Variants in MCF2L2 observed in about 807,000 individuals in gnomAD.
MCF2L2 encodes MCF.2 cell line derived transforming sequence-like 2, also known as probable guanine nucleotide exchange factor MCF2L2.
In MCF2L2, 102 loss-of-function variants were observed where a neutral mutation model predicts 150.2. The ratio of observed to expected loss-of-function variants is 0.68; its 90% CI spans 0.58 to 0.80. The LOEUF (loss-of-function observed/expected upper bound fraction) is 0.80. Among genes scored for constraint, MCF2L2 ranks in the 30% least tolerant of loss-of-function variants. MCF2L2 has a pLI of 0.00. For missense variants in MCF2L2, 1,256 were observed against 1,372.8 expected (o/e 0.91, Z 1.34); for synonymous variants, 465 against 491.3 (o/e 0.95, Z 0.71).
chr3:183,394,857 C>G (rs985625908), intron 1 of MCF2L2, among the ~76,000 whole-genome samples: 1 of 152,204 alleles, frequency 6.6e-6, no homozygotes, highest in Non-Finnish European at 1.5e-5. Context: ...ATCAGTACTT[C>G]TGCAGAACCT....
chr3:183,269,230 C>CTTTTTTTGTTTTTT (rs1726470167), intron 15 of MCF2L2, among the ~76,000 whole-genome samples: 1 of 81,030 alleles, frequency 1.2e-5, no homozygotes, highest in African/African-American at 6.4e-5. Context: ...GTTTGGGAAG[C>CTTTTTTTGTTTTTT]TTTTTTTTTT....
At chr3:183,286,733 G>T (rs754936226) in intron 14 of MCF2L2, among the ~76,000 whole-genome samples, 8 of 152,144 alleles carry the variant, frequency 5.3e-5, no homozygotes, top group Non-Finnish European at 1.0e-4. Flanking sequence ...TGACTTTATG[G>T]ATTCTGCTTA....
At chr3:183,400,243 AG>A (rs1714669893) in intron 1 of MCF2L2, 2 of 331,580 alleles carry the variant, frequency 6.0e-6, no homozygotes, top group Admixed American at 8.8e-5. Flanking sequence ...GGTACTGCAA[AG>A]TAAGATTTTT....
chr3:183,376,638 G>A (rs1179605390), intron 3 of MCF2L2: 1 of 152,210 alleles, frequency 6.6e-6, no homozygotes, highest in East Asian at 1.9e-4. Context: ...GGTCCTGGCT[G>A]GGTCCAAGAG....
At chr3:183,366,742 C>G (rs1472257143) in intron 3 of MCF2L2, among the ~76,000 whole-genome samples, 2 of 152,114 alleles carry the variant, frequency 1.3e-5, no homozygotes, top group African/African-American at 4.8e-5. Flanking sequence ...GGGACTTTCC[C>G]AGAGACTCAG....
At chr3:183,323,034 G>A (rs917972575) in intron 6 of MCF2L2, among the ~76,000 whole-genome samples, 5 of 152,136 alleles carry the variant, frequency 3.3e-5, no homozygotes, top group Non-Finnish European at 5.9e-5. Flanking sequence ...GAGATGCAGT[G>A]GGGTAAGGTG....
chr3:183,410,222 T>C (rs1185148438), intron 1 of MCF2L2, among the ~76,000 whole-genome samples: 1 of 152,232 alleles, frequency 6.6e-6, no homozygotes, highest in African/African-American at 2.4e-5. Flanking sequence ...ATGAAGCTTT[T>C]TCCAGTCACT....
At chr3:183,273,988 G>A (rs1727007268) in intron 15 of MCF2L2, among the ~76,000 whole-genome samples, 2 of 152,220 alleles carry the variant, frequency 1.3e-5, no homozygotes, top group African/African-American at 4.8e-5. Flanking sequence ...GCCGAGGCAA[G>A]TGGACCACCT....
intron 3 of MCF2L2, among the ~76,000 whole-genome samples, chr3:183,362,339 G>A (rs1334915000): frequency 2.0e-5 from 3 of 151,964 alleles, no homozygotes; most frequent in African/African-American, 7.3e-5. Context: ...TCCTGACCTC[G>A]TGATCCACCT....
rs553513212 is a variant in MCF2L2, at chr3:183,399,817, A to G, written c.77-10038T>C. On this transcript the variant is annotated intron_variant, in intron 1 of 29. Transcript: ENST00000328913. ...AGCGTCTCCTGAACTCCTCCTGAAG[A>G]TCAGCTGCAAGTACAATCTGATTCT... Among the ~76,000 whole-genome samples the G allele has an allele frequency of 2.6e-5, 4 of 152,350 alleles. No individual in the cohort carries two copies. The East Asian group carries it at 7.7e-4, about 29-fold the overall frequency.
chr3:183,394,924 G>C lies in MCF2L2; in HGVS notation c.77-5145C>G, dbSNP rs2108604516. On this transcript the variant is annotated intron_variant, in intron 1 of 29. Coordinates refer to ENST00000328913, the MANE Select transcript of MCF2L2 (RefSeq NM_015078.4). ...AAGTCGTTTCTCAATCTTTTACCTGGTGATTATTGAGCACTTATGTGGTCG... is the reference window on the plus strand; with the variant it reads ...AAGTCGTTTCTCAATCTTTTACCTGCTGATTATTGAGCACTTATGTGGTCG... Among the ~76,000 whole-genome samples, 3 of 152,220 alleles carry C rather than the reference G, an allele frequency of 2.0e-5. No homozygotes were observed. In the East Asian group the frequency reaches 5.8e-4, roughly 29 times the overall value.
At chr3:183,355,510 G>C (rs148822138) in intron 3 of MCF2L2, among the ~76,000 whole-genome samples, 3,542 of 150,626 alleles carry the variant, frequency 0.024, 68 homozygotes, top group Middle Eastern at 0.031. Context: ...GCCGTGGCGC[G>C]ATCTCGGCTC....
intron 11 of MCF2L2, chr3:183,297,417 T>C (rs572205150): frequency 1.1e-5 from 5 of 435,388 alleles, no homozygotes; most frequent in Non-Finnish European, 1.7e-5. Flanking sequence ...GTCTCTTCCA[T>C]TAACAGTAAT....
intron 13 of MCF2L2, among the ~76,000 whole-genome samples, chr3:183,293,655 T>C (rs1485152157): frequency 1.3e-5 from 2 of 152,216 alleles, no homozygotes; most frequent in Non-Finnish European, 2.9e-5. Flanking sequence ...CTTTTCCTAA[T>C]ATTGGGAAAA....
intron 15 of MCF2L2, among the ~76,000 whole-genome samples, chr3:183,247,236 T>C (rs899548834): frequency 2.6e-5 from 4 of 152,208 alleles, no homozygotes; most frequent in African/African-American, 9.6e-5. Context: ...CGAGCATGAA[T>C]GTCAGTCCAT....
intron 5 of MCF2L2, among the ~76,000 whole-genome samples, chr3:183,327,045 G>T (rs1730072415): frequency 1.3e-5 from 2 of 152,032 alleles, no homozygotes; most frequent in South Asian, 4.2e-4. Flanking sequence ...TAAATAAATA[G>T]GCCGGGCATG....
intron 2 of MCF2L2, among the ~76,000 whole-genome samples, chr3:183,382,626 T>A (rs112280190): frequency 8.5e-5 from 13 of 152,088 alleles, no homozygotes; most frequent in African/African-American, 3.1e-4. Context: ...GAAGAAAGAA[T>A]AATTATTCCA....
At chr3:183,331,522 G>A (rs766050232) in intron 5 of MCF2L2, among the ~76,000 whole-genome samples, 9 of 152,228 alleles carry the variant, frequency 5.9e-5, no homozygotes, top group Non-Finnish European at 8.8e-5. Context: ...GCTTAAAACC[G>A]TTCTTTCAAA....
At chr3:183,316,986 G>A (rs1430385955) in intron 7 of MCF2L2, among the ~76,000 whole-genome samples, 9 of 152,144 alleles carry the variant, frequency 5.9e-5, no homozygotes, top group South Asian at 2.1e-4. Context: ...GATTACAGGC[G>A]TGAACCAACT....
Sources: allele counts gnomAD v4.1 joint callset (sites outside exome capture counted in the v4.1 genomes callset), GRCh38; gene constraint gnomAD v4.1.1; transcripts MANE v1.5; gene names NCBI Gene and HGNC (gene_info 2026-07-23, HGNC 2026-07-21).